The following TLE4 variants were observed in gnomAD, a reference collection of about 807,000 sequenced individuals.
The protein encoded by TLE4 is transducin-like enhancer protein 4.
TLE4 carries 8 observed loss-of-function variants against 92.8 expected under a neutral mutation model. That is an observed-to-expected ratio of 0.09 (90% confidence interval 0.05 to 0.16). TLE4 has a LOEUF of 0.16. Ranked by LOEUF, TLE4 falls within the 10% of genes least tolerant of loss-of-function variation. TLE4 has a pLI of 1.00. For missense variants in TLE4, 675 were observed against 997.6 expected, an observed-to-expected ratio of 0.68 and a Z score of 4.36; for synonymous variants, 371 against 374.1, an observed-to-expected ratio of 0.99 and a Z score of 0.10.
chr9:79,572,784 G>A lies in TLE4; in HGVS notation c.-7G>A, dbSNP rs373849168. ...TCTGCCGAGCGCAGCCAACTAAATC[G>A]GCTTGGATGATTCGCGACCTGAGCA... On this transcript the variant is annotated 5_prime_UTR_variant, in exon 1 of 20. Transcript: ENST00000376552. The A allele has an allele frequency of 8.8e-5, 141 of 1,600,724 alleles. No individual in the cohort carries two copies. The African/African-American group carries it at 1.8e-3, about 20-fold the overall frequency.
chr9:79,673,866 C>T (rs973256052), intron 8 of TLE4, among the ~76,000 whole-genome samples: 3 of 152,006 alleles, frequency 2.0e-5, no homozygotes, highest in African/African-American at 7.2e-5. Context: ...GTTTTTGCCC[C>T]GACCCCTGGT....
chr9:79,577,981 C>CT (rs1446557766), intron 4 of TLE4, among the ~76,000 whole-genome samples: 3 of 152,122 alleles, frequency 2.0e-5, no homozygotes, highest in African/African-American at 4.8e-5. Context: ...TACATTTTCC[C>CT]TTTTTTTCGT....
rs923014441 is a variant in TLE4, at chr9:79,571,983, T to C, written c.-808T>C. 3 of 152,246 alleles carry C rather than the reference T, an allele frequency of 2.0e-5. No individual in the cohort carries two copies. Among genetic ancestry groups the C allele is most frequent in the Non-Finnish European group, 2.9e-5 (2 of 68,080 alleles). The allele number at this position is 152,246 out of a possible 1,614,324, so 9.4% of individuals were successfully genotyped here. The stretch of plus-strand genomic sequence containing the variant: ...CCTACACAGAGCGTGTTGTTAGAGC[T>C]GTGCTGAGCGGGTGTTTGGGTTGTT... On this transcript the variant is annotated 5_prime_UTR_variant, in exon 1 of 20. Transcript: ENST00000376552.
intron 5 of TLE4, among the ~76,000 whole-genome samples, chr9:79,613,530 C>G (rs1030134793): frequency 2.0e-5 from 3 of 152,062 alleles, no homozygotes; most frequent in Non-Finnish European, 4.4e-5. Context: ...TTACTGAATG[C>G]CTTCATTTGC....
chr9:79,608,162 T>C (rs2047536679), intron 4 of TLE4, among the ~76,000 whole-genome samples: 1 of 152,122 alleles, frequency 6.6e-6, no homozygotes, highest in Non-Finnish European at 1.5e-5. Flanking sequence ...TTAACACTTT[T>C]GTAAAATTGA....
At chr9:79,586,319 C>T (rs2041078033) in intron 4 of TLE4, among the ~76,000 whole-genome samples, 1 of 151,100 alleles carries the variant, frequency 6.6e-6, no homozygotes, top group Non-Finnish European at 1.5e-5. Flanking sequence ...GCCAAGATCG[C>T]GCCACTGCAC....
chr9:79,637,954 T>C (rs1474770119), intron 6 of TLE4, among the ~76,000 whole-genome samples: 3 of 152,134 alleles, frequency 2.0e-5, no homozygotes, highest in African/African-American at 7.2e-5. Context: ...CTTAGTAGAA[T>C]AGGATTGTGC....
chr9:79,697,195 A>T (rs2068490798), intron 8 of TLE4, among the ~76,000 whole-genome samples: 1 of 152,188 alleles, frequency 6.6e-6, no homozygotes, highest in Non-Finnish European at 1.5e-5. Context: ...GACTTTGCAA[A>T]CTTTGAGGAG....
chr9:79,714,646 T>A (rs1307701396), intron 14 of TLE4, among the ~76,000 whole-genome samples: 1 of 152,246 alleles, frequency 6.6e-6, no homozygotes, highest in African/African-American at 2.4e-5. Flanking sequence ...TCAGAATACT[T>A]TCCATTAGAA....
At chr9:79,597,106 C>G (rs1258334142) in intron 4 of TLE4, among the ~76,000 whole-genome samples, 3 of 152,132 alleles carry the variant, frequency 2.0e-5, no homozygotes, top group Admixed American at 1.3e-4. Context: ...ATTCCGTACT[C>G]CCCTGGTTGT....
intron 8 of TLE4, among the ~76,000 whole-genome samples, chr9:79,692,698 T>C (rs2067330844): frequency 6.6e-6 from 1 of 152,144 alleles, no homozygotes; most frequent in African/African-American, 2.4e-5. Context: ...GCCTGATTCA[T>C]AGATGATGCC....
At chr9:79,612,898 A>G (rs1382010289) in intron 5 of TLE4, among the ~76,000 whole-genome samples, 180 bp downstream of exon 5, 2 of 152,180 alleles carry the variant, frequency 1.3e-5, no homozygotes, top group Non-Finnish European at 2.9e-5. Context: ...TCTGTGGGAT[A>G]TAATTTATAT....
At chr9:79,666,525 C>T (rs1383876272) in intron 8 of TLE4, among the ~76,000 whole-genome samples, 2 of 152,216 alleles carry the variant, frequency 1.3e-5, no homozygotes, top group Non-Finnish European at 2.9e-5. Context: ...AGGCGTGAGC[C>T]ATCACGCCCC....
chr9:79,713,800 G>A (rs2073899805), intron 14 of TLE4, among the ~76,000 whole-genome samples: 1 of 151,942 alleles, frequency 6.6e-6, no homozygotes, highest in African/African-American at 2.4e-5. Flanking sequence ...CCCTTGCCTG[G>A]TTCAGGACCC....
intron 15 of TLE4, among the ~76,000 whole-genome samples, chr9:79,719,694 A>G (rs1041706059): frequency 9.9e-5 from 15 of 152,188 alleles, no homozygotes; most frequent in African/African-American, 3.6e-4. Flanking sequence ...CCAAGGTTCC[A>G]AGTTTGGATA....
At chr9:79,667,747 C>G (rs1400767227) in intron 8 of TLE4, among the ~76,000 whole-genome samples, 1 of 152,106 alleles carries the variant, frequency 6.6e-6, no homozygotes, top group African/African-American at 2.4e-5. Flanking sequence ...CTACACGACC[C>G]CACCCTCAAT....
chr9:79,593,273 TA>T (rs1327542686), intron 4 of TLE4, among the ~76,000 whole-genome samples: 1 of 152,174 alleles, frequency 6.6e-6, no homozygotes, highest in Non-Finnish European at 1.5e-5. Flanking sequence ...GTCAGAAACA[TA>T]CGTTGCTTTA....
intron 4 of TLE4, among the ~76,000 whole-genome samples, chr9:79,596,076 G>C (rs1376829253): frequency 6.6e-6 from 1 of 152,090 alleles, no homozygotes; most frequent in African/African-American, 2.4e-5. Flanking sequence ...TCGATCTCCT[G>C]ACCTCGTGAT....
intron 3 of TLE4, 26 bp downstream of exon 3, chr9:79,574,962 A>G (rs770219864): frequency 2.8e-5 from 45 of 1,603,466 alleles, no homozygotes; most frequent in Non-Finnish European, 3.8e-5. Context: ...CACAGATTCA[A>G]AGTGCCTATT....
Sources: gnomAD v4.1 joint callset for allele counts (sites outside exome capture counted in the v4.1 genomes callset) on GRCh38, gnomAD v4.1.1 for gene constraint, MANE v1.5 for transcripts, NCBI Gene and HGNC (gene_info 2026-07-23, HGNC 2026-07-21) for gene names.